Variants in PLA2G4C observed in about 807,000 individuals in gnomAD.
The protein encoded by PLA2G4C is phospholipase A2 group IVC.
A neutral mutation model predicts 73.8 loss-of-function variants in PLA2G4C; 64 were observed. The observed-to-expected ratio is 0.87, with a 90% CI of 0.71 to 1.07. The LOEUF (loss-of-function observed/expected upper bound fraction) is 1.07. Ranked by LOEUF, PLA2G4C falls within the 50% of genes least tolerant of loss-of-function variation. The pLI is 0.00. For synonymous variants in PLA2G4C, 254 were observed against 252.1 expected, an observed-to-expected ratio of 1.01 and a Z score of -0.07; for missense variants, 622 against 665.4, an observed-to-expected ratio of 0.93 and a Z score of 0.72.
chr19:48,105,924 TCCCTCCCTCCCTCCC>T (rs2032190872), intron 2 of PLA2G4C, among the ~76,000 whole-genome samples: 5 of 22,214 alleles, frequency 2.3e-4, no homozygotes, highest in African/African-American at 1.4e-3. Context: ...CCTCCCTCCC[TCCCTCCCTCCCTCCC>T]TCCCTCCCTT....
chr19:48,105,082 C>CTAAATAAAAA (rs2032101695), intron 3 of PLA2G4C, among the ~76,000 whole-genome samples: 1 of 87,620 alleles, frequency 1.1e-5, no homozygotes. Context: ...GACGTTGTCT[C>CTAAATAAAAA]AAAAAAAAAA....
chr19:48,066,759 G>A (rs989539037), intron 13 of PLA2G4C, among the ~76,000 whole-genome samples: 1 of 151,914 alleles, frequency 6.6e-6, no homozygotes, highest in African/African-American at 2.4e-5. Flanking sequence ...GAGCCCAGGG[G>A]TTCAAGATCA....
At chr19:48,067,293 G>A (rs539936083) in intron 13 of PLA2G4C, among the ~76,000 whole-genome samples, 1 of 151,682 alleles carries the variant, frequency 6.6e-6, no homozygotes, top group South Asian at 2.1e-4. Context: ...TCAGCCTCCT[G>A]AGTAGCTGGG....
Position 48,110,558 on chromosome 19 carries a change from G to GGCTCCGGAATCCGGTGCGGAGGCTTGT in PLA2G4C, c.-105_-104insACAAGCCTCCGCACCGGATTCCGGAGC. 4 of 1,488,130 alleles carry GGCTCCGGAATCCGGTGCGGAGGCTTGT rather than the reference G, an allele frequency of 2.7e-6. No homozygotes were observed. The highest frequency in any genetic ancestry group is 1.4e-5 in the African/African-American group (1 of 69,862). The allele number at this position is 1,488,130 out of a possible 1,614,324, so 92.2% of individuals were successfully genotyped here. On this transcript the variant is annotated 5_prime_UTR_variant, in exon 1 of 17. Coordinates refer to ENST00000599921, the MANE Select transcript of PLA2G4C (RefSeq NM_003706.3). Reference sequence around the variant, plus strand: ...CTCCGGAATCCGGTGCGGAGGCTTGGGCTCCCTGCGCTTAGCGGTGTAGTC... The same window carrying GGCTCCGGAATCCGGTGCGGAGGCTTGT: ...CTCCGGAATCCGGTGCGGAGGCTTGGGCTCCGGAATCCGGTGCGGAGGCTTGTGCTCCCTGCGCTTAGCGGTGTAGTC...
At chr19:48,090,523 A>G in intron 7 of PLA2G4C, 106 bp from the exon 8 acceptor site, 1 of 809,826 alleles carries the variant, frequency 1.2e-6, no homozygotes, top group South Asian at 1.4e-5. Context: ...AGGGATCTGC[A>G]GCAGGAAGAA....
At chr19:48,080,318 C>CA (rs767701725) in intron 10 of PLA2G4C, among the ~76,000 whole-genome samples, 15 of 151,658 alleles carry the variant, frequency 9.9e-5, no homozygotes, top group South Asian at 6.3e-4. Context: ...GATAAAAATT[C>CA]AAAAAAAACC....
intron 9 of PLA2G4C, among the ~76,000 whole-genome samples, chr19:48,085,541 G>C (rs1267152126): frequency 1.2e-4 from 18 of 152,210 alleles, no homozygotes; most frequent in Non-Finnish European, 1.5e-5. Flanking sequence ...TACTATGAAA[G>C]AGCAGGACAG....
intron 8 of PLA2G4C, 151 bp from the exon 9 acceptor site, chr19:48,088,863 T>C (rs1264397698): frequency 1.5e-6 from 1 of 670,212 alleles, no homozygotes; most frequent in East Asian, 2.7e-5. Flanking sequence ...CGAGAGCCAA[T>C]TTTGCACCTC....
chr19:48,074,797 C>T lies in PLA2G4C; in HGVS notation c.976G>A (p.Glu326Lys). ...CTTTCGGGGTCCTCATGGGGCTGCTCCTGCTTTTCCAGGGAGGTCCTGGTC... is the reference window on the plus strand; with the variant it reads ...CTTTCGGGGTCCTCATGGGGCTGCTTCTGCTTTTCCAGGGAGGTCCTGGTC... ...NWTRTSLEKQ[E>K]QPHEDPERKG... Residue 326 changes from glutamate (E) to lysine (K), a missense_variant, in exon 12 of 17, where the codon GAG (glutamate) becomes AAG (lysine). By Grantham distance (56) the Glu-to-Lys change is moderately conservative. Coordinates refer to ENST00000599921, the MANE Select transcript of PLA2G4C (RefSeq NM_003706.3). 1 of 1,613,762 alleles carries T rather than the reference C, an allele frequency of 6.2e-7. No individual in the cohort carries two copies.
At chr19:48,107,979 T>A (rs1210912743) in intron 1 of PLA2G4C, among the ~76,000 whole-genome samples, 2 of 152,132 alleles carry the variant, frequency 1.3e-5, no homozygotes, top group Non-Finnish European at 2.9e-5. Context: ...TGGAGATGAC[T>A]CACACTCCTT....
intron 8 of PLA2G4C, among the ~76,000 whole-genome samples, chr19:48,089,068 T>C (rs1281679468): frequency 6.6e-6 from 1 of 152,046 alleles, no homozygotes; most frequent in East Asian, 1.9e-4. Flanking sequence ...CATTTGGAGG[T>C]TGGATATAGA....
intron 12 of PLA2G4C, among the ~76,000 whole-genome samples, chr19:48,070,098 C>G (rs781075850): frequency 6.6e-5 from 10 of 152,160 alleles, no homozygotes; most frequent in Non-Finnish European, 1.3e-4. Flanking sequence ...CATCTCTGTT[C>G]TCATCTGTAA....
chr19:48,086,321 G>A (rs1015796928), intron 9 of PLA2G4C, among the ~76,000 whole-genome samples: 10 of 152,056 alleles, frequency 6.6e-5, no homozygotes, highest in Non-Finnish European at 1.0e-4. Context: ...TGGGATCCGC[G>A]TGGGGCTTAC....
At chr19:48,083,392 C>CTTTTTTTTTTTTTTTGTTTTTTTTTT (rs2030737845) in intron 10 of PLA2G4C, among the ~76,000 whole-genome samples, 1 of 105,838 alleles carries the variant, frequency 9.4e-6, no homozygotes, top group African/African-American at 3.6e-5. Flanking sequence ...ATTTTCTTTT[C>CTTTTTTTTTTTTTTTGTTTTTTTTTT]TTTTTTTTTT....
intron 13 of PLA2G4C, among the ~76,000 whole-genome samples, chr19:48,065,543 T>C (rs1306409280): frequency 2.0e-5 from 3 of 151,658 alleles, no homozygotes; most frequent in African/African-American, 7.3e-5. Context: ...TGAGCCAAGA[T>C]TGTACCACTG....
chr19:48,061,326 T>C (rs1485795708), intron 14 of PLA2G4C: 1 of 152,080 alleles, frequency 6.6e-6, no homozygotes, highest in Non-Finnish European at 1.5e-5. Context: ...CCACAGTAAG[T>C]GGCAGATACT....
intron 14 of PLA2G4C, among the ~76,000 whole-genome samples, chr19:48,059,711 G>T (rs916519620): frequency 6.6e-6 from 1 of 151,818 alleles, no homozygotes; most frequent in Non-Finnish European, 1.5e-5. Context: ...TGGCTCGCCA[G>T]GGGCTCTACG....
intron 14 of PLA2G4C, among the ~76,000 whole-genome samples, chr19:48,059,765 T>C (rs1029637602): frequency 4.5e-5 from 5 of 111,068 alleles, no homozygotes; most frequent in Non-Finnish European, 5.2e-5. Flanking sequence ...GCTTCCCTAC[T>C]TTTTTTTTTT....
chr19:48,099,927 G>C (rs1347621617), intron 4 of PLA2G4C, 67 bp from the exon 5 acceptor site: 1 of 1,174,972 alleles, frequency 8.5e-7, no homozygotes, highest in Admixed American at 1.8e-5. Context: ...GGGGAAAGAT[G>C]TGTGCAAGGA....
Sources: gnomAD v4.1 joint callset for allele counts (sites outside exome capture counted in the v4.1 genomes callset) on GRCh38, gnomAD v4.1.1 for gene constraint, MANE v1.5 for transcripts, NCBI Gene and HGNC (gene_info 2026-07-23, HGNC 2026-07-21) for gene names.